The following ELN variants were observed in gnomAD, a reference collection of about 807,000 sequenced individuals.
ELN encodes tropoelastin.
A neutral mutation model predicts 105.8 loss-of-function variants in ELN; 65 were observed. That is an observed-to-expected ratio of 0.61 (90% confidence interval 0.50 to 0.75). The LOEUF (loss-of-function observed/expected upper bound fraction) is 0.75, where lower values mean the gene tolerates loss of function less well. Ranked by LOEUF, ELN falls within the 30% of genes least tolerant of loss-of-function variation. ELN has a pLI of 0.00. For missense variants in ELN, 882 were observed against 969.4 expected (o/e 0.91, Z 1.20); for synonymous variants, 368 against 389.2 (o/e 0.95, Z 0.64).
At chr7:74,038,936 A>T (rs1484864136) in intron 4 of ELN, among the ~76,000 whole-genome samples, 1 of 152,166 alleles carries the variant, frequency 6.6e-6, no homozygotes, top group Non-Finnish European at 1.5e-5. Context: ...CTTGCCACTT[A>T]TCCCCGCCAG....
chr7:74,060,590 A>G lies in ELN; in HGVS notation c.1747+89A>G, dbSNP rs1554683824. 1.9e-6 allele frequency: 3 copies of G among 1,600,512 alleles called. No homozygotes were observed. Among genetic ancestry groups the G allele is most frequent in the African/African-American group, 2.7e-5 (2 of 74,848 alleles). On this transcript the variant is annotated intron_variant, in intron 25 of 32. Transcript: ENST00000252034. ...CTCAGCACCTCCCCAGCACCCCCTC[A>G]TCACCCAGGGGTGCATAGTAAAATC...
rs782783288 is a variant in ELN, at chr7:74,063,668, G to A, written c.1966G>A (p.Gly656Arg). 1.4e-5 allele frequency: 23 copies of A among 1,614,046 alleles called. No individual in the cohort carries two copies. Among genetic ancestry groups the A allele is most frequent in the Non-Finnish European group, 1.8e-5 (21 of 1,180,034 alleles). ...CGGAGGACTCGGAGTCGGAGGGCTT[G>A]GAGTTCCAGGTGTTGGGGGCCTTGG... ...GLGGLGVGGLGVPGVGGLGGI... is the reference protein window; with the variant it reads ...GLGGLGVGGLRVPGVGGLGGI... The change falls in exon 29 of 33, where the codon GGA (glycine) becomes AGA (arginine). Residue 656 changes from glycine to arginine, a missense_variant. Transcript: ENST00000252034. The surrounding 1 kb of genome is among the most constrained non-coding windows in gnomAD (Gnocchi z 4.1).
chr7:74,066,054 C>T (rs1302144996), intron 31 of ELN, 57 bp downstream of exon 31: 2 of 1,608,362 alleles, frequency 1.2e-6, no homozygotes, highest in East Asian at 2.2e-5. Flanking sequence ...CTAGAGGGGG[C>T]CTGTCCATCT....
rs1340826777 is a variant in ELN, at chr7:74,053,222, C to T, written c.1009C>T (p.Pro337Ser). ...PGFGPGVVGV[P>S]GAGVPGVGVP... The stretch of plus-strand genomic sequence containing the variant: ...CTTTGGCCCGGGAGTAGTTGGTGTC[C>T]CAGGAGCTGGCGTTCCAGGTGTTGG... The change falls in exon 18 of 33, where the codon CCA becomes TCA. Residue 337 changes from proline to serine, a missense_variant. Transcript: ENST00000252034. 4.3e-6 allele frequency: 7 copies of T among 1,613,836 alleles called. No homozygotes were observed. Among genetic ancestry groups the T allele is most frequent in the Non-Finnish European group, 5.9e-6 (7 of 1,179,988 alleles).
chr7:74,066,908 C>G, intron 32 of ELN, 132 bp downstream of exon 32: 2 of 901,156 alleles, frequency 2.2e-6, no homozygotes, highest in South Asian at 1.4e-5. Context: ...TCAGGTCACA[C>G]GAGGCTGGAC....
chr7:74,055,827 C>T (rs1281077424), intron 19 of ELN, among the ~76,000 whole-genome samples: 1 of 150,832 alleles, frequency 6.6e-6, no homozygotes. Flanking sequence ...TGCTCTGTCA[C>T]CCAGGCTGGA....
chr7:74,037,227 C>T (rs1249059686), intron 3 of ELN, among the ~76,000 whole-genome samples: 1 of 143,056 alleles, frequency 7.0e-6, no homozygotes, highest in Non-Finnish European at 1.5e-5. Flanking sequence ...AAGTCTTGCT[C>T]TTGTCACCCA....
At chr7:74,028,489 C>G (rs977464589) in intron 1 of ELN, among the ~76,000 whole-genome samples, 1 of 152,202 alleles carries the variant, frequency 6.6e-6, no homozygotes, top group Non-Finnish European at 1.5e-5. Flanking sequence ...CAGAATAGTC[C>G]CAGCCCAGCA....
At chr7:74,060,670 C>T (rs1554683918) in intron 25 of ELN, 169 bp downstream of exon 25, 2 of 1,531,300 alleles carry the variant, frequency 1.3e-6, no homozygotes, top group Admixed American at 2.0e-5. Flanking sequence ...GGAGGGCAGA[C>T]CAGGCCAAGG....
Position 74,065,747 on chromosome 7 carries a change from G to C in ELN, c.2032+15G>C. ...AGCTAAATACGGTGAGTTCCCCTCT[G>C]ATGCCTTCCTGCCAGTGGCCTGCAC... is the stretch of plus-strand genomic sequence containing the variant. On this transcript the variant is annotated intron_variant, in intron 30 of 32. Transcript: ENST00000252034. 1 of 1,613,978 alleles carries C rather than the reference G, an allele frequency of 6.2e-7. No homozygotes were observed. Among genetic ancestry groups the C allele is most frequent in the African/African-American group, 1.3e-5 (1 of 74,952 alleles).
chr7:74,030,540 T>C, intron 1 of ELN, among the ~76,000 whole-genome samples: 1 of 151,496 alleles, frequency 6.6e-6, no homozygotes, highest in Non-Finnish European at 1.5e-5. Context: ...TTTATTTTCC[T>C]TTTTTATTTT....
chr7:74,033,862 C>T (rs1554663953), intron 1 of ELN, among the ~76,000 whole-genome samples: 2 of 152,178 alleles, frequency 1.3e-5, no homozygotes, highest in African/African-American at 2.4e-5. Context: ...TGGGCTGGGG[C>T]GTTGGCAAGG....
chr7:74,068,568 C>T (rs528767562), intron 32 of ELN, 89 bp from the exon 33 acceptor site: 3 of 1,536,516 alleles, frequency 2.0e-6, no homozygotes, highest in African/African-American at 1.4e-5. Context: ...TTCTTGGAGC[C>T]TCCATTCGAG....
intron 19 of ELN, among the ~76,000 whole-genome samples, chr7:74,055,525 G>C (rs1456715835): frequency 6.6e-6 from 1 of 151,558 alleles, no homozygotes; most frequent in East Asian, 1.9e-4. Context: ...TGTCGCCCAG[G>C]CTGGAGTGCA....
chr7:74,053,387 C>A, intron 18 of ELN, 78 bp downstream of exon 18: 1 of 1,561,254 alleles, frequency 6.4e-7, no homozygotes, highest in South Asian at 1.2e-5. Flanking sequence ...AGACTATTGC[C>A]AAAATTTTTG....
In ELN at chr7:74,063,407, C is replaced by A. The variant is rs781973120; in HGVS notation, c.1918+38C>A. 1 of 1,544,134 alleles carries A rather than the reference C, an allele frequency of 6.5e-7. No homozygotes were observed. The highest frequency in any genetic ancestry group is 1.2e-5 in the South Asian group (1 of 84,396). ...TGGAGGTGGGAGCTGCCGCCAGGCCCCCAGGCCCCCAGGGTGTGGGAGGAG... is the reference window on the plus strand; with the variant it reads ...TGGAGGTGGGAGCTGCCGCCAGGCCACCAGGCCCCCAGGGTGTGGGAGGAG... On this transcript the variant is annotated intron_variant, in intron 28 of 32. Coordinates refer to ENST00000252034, the MANE Select transcript of ELN (RefSeq NM_000501.4). This position sits in a 1 kb window ranked among gnomAD's most constrained non-coding sequence, Gnocchi z 4.1.
Position 74,057,664 on chromosome 7 carries a change from C to T in ELN, c.1382C>T (p.Ala461Val). ...GGAGTGGGGACCCCAGCAGCTGCAGCTGCTAAAGCAGCCGCCAAAGCCGCC... is the reference window on the plus strand; with the variant it reads ...GGAGTGGGGACCCCAGCAGCTGCAGTTGCTAAAGCAGCCGCCAAAGCCGCC... Reference protein sequence around the residue: ...KYGVGTPAAAAAKAAAKAAQF... With the variant: ...KYGVGTPAAAVAKAAAKAAQF... Residue 461 changes from alanine (A) to valine (V), a missense_variant, in exon 22 of 33, where the codon GCT becomes GTT. Transcript: ENST00000252034. 1.2e-6 allele frequency: 2 copies of T among 1,613,836 alleles called. No individual in the cohort carries two copies. Among genetic ancestry groups the T allele is most frequent in the Non-Finnish European group, 1.7e-6 (2 of 1,180,014 alleles).
Position 74,063,172 on chromosome 7 carries a change from C to G in ELN, c.1806C>G (p.Val602=). ...CCGCAGGAGCAGCAGTGCCTGGGGT[C>G]CTTGGAGGGCTCGGGGCTCTCGGTG... is the stretch of plus-strand genomic sequence containing the variant. ...AAKYGAAVPG[V]LGGLGALGGV... is the part of the protein sequence containing the mutation. The change falls in exon 27 of 33, where the codon GTC becomes GTG. Residue 602 remains valine, a synonymous_variant. Coordinates refer to ENST00000252034, the MANE Select transcript of ELN (RefSeq NM_000501.4). This position sits in a 1 kb window ranked among gnomAD's most constrained non-coding sequence, Gnocchi z 4.1. The G allele has an allele frequency of 3.7e-6, 6 of 1,608,810 alleles. No homozygotes were observed. In the Middle Eastern group the frequency reaches 5.0e-4, roughly 133 times the overall value.
At chr7:74,053,826 G>C (rs933520960) in intron 18 of ELN, among the ~76,000 whole-genome samples, 1 of 151,902 alleles carries the variant, frequency 6.6e-6, no homozygotes, top group Non-Finnish European at 1.5e-5. Flanking sequence ...GTGAGTGGAT[G>C]TGTGGGTGGA....
Sources: gnomAD v4.1 joint callset for allele counts (sites outside exome capture counted in the v4.1 genomes callset) on GRCh38, gnomAD v4.1.1 for gene constraint, Gnocchi (gnomAD v3.1) non-coding constraint, MANE v1.5 for transcripts, NCBI Gene and HGNC (gene_info 2026-07-23, HGNC 2026-07-21) for gene names.